Variants in VCL observed in about 807,000 individuals in gnomAD.
The protein encoded by VCL is vinculin, also known as epididymis luminal protein 114.
VCL carries 47 observed loss-of-function variants against 125.7 expected under a neutral mutation model. That is an observed-to-expected ratio of 0.37 (90% CI 0.30 to 0.48). VCL has a LOEUF of 0.48. VCL is among the 20% of genes least tolerant of loss of function. The pLI is 0.99. For missense variants in VCL, 1,069 were observed against 1,455.5 expected, an observed-to-expected ratio of 0.73 and a Z score of 4.32; for synonymous variants, 458 against 514.6, an observed-to-expected ratio of 0.89 and a Z score of 1.49.
At chr10:74,019,685 A>C (rs1261427727) in intron 1 of VCL, among the ~76,000 whole-genome samples, 5 of 152,190 alleles carry the variant, frequency 3.3e-5, no homozygotes, top group African/African-American at 1.2e-4. Flanking sequence ...TAAATTCTAG[A>C]GATAGACTCA....
intron 1 of VCL, among the ~76,000 whole-genome samples, chr10:74,018,177 G>GAGATATATATAT (rs113828874): frequency 1.2e-4 from 10 of 81,880 alleles, no homozygotes; most frequent in African/African-American, 4.4e-4. Flanking sequence ...ATATATATAG[G>GAGATATATATAT]ATATATATAT....
intron 14 of VCL, among the ~76,000 whole-genome samples, chr10:74,102,626 G>C (rs1023926176): frequency 6.6e-6 from 1 of 152,192 alleles, no homozygotes; most frequent in African/African-American, 2.4e-5. Flanking sequence ...TGCCTGTGTG[G>C]CGTGTTAATA....
At chr10:74,078,757 AT>A (rs1564525221) in intron 6 of VCL, among the ~76,000 whole-genome samples, 1 of 152,162 alleles carries the variant, frequency 6.6e-6, no homozygotes, top group Non-Finnish European at 1.5e-5. Flanking sequence ...TCTTGTTTAA[AT>A]GTAGTTTGTA....
At chr10:73,999,535 T>C (rs1840185927) in intron 1 of VCL, among the ~76,000 whole-genome samples, 1 of 152,086 alleles carries the variant, frequency 6.6e-6, no homozygotes, top group African/African-American at 2.4e-5. Context: ...TTCATACTGC[T>C]CCCCCACTGA....
Position 74,023,732 on chromosome 10 carries a change from G to A in VCL, c.169-19351G>A, listed in dbSNP as rs141120818. Among the ~76,000 whole-genome samples the A allele has an allele frequency of 6.6e-5, 10 of 152,290 alleles. No individual in the cohort carries two copies. In the East Asian group the frequency reaches 1.9e-3, roughly 29 times the overall value. On this transcript the variant is annotated intron_variant, in intron 1 of 21. Coordinates refer to ENST00000211998, the MANE Select transcript of VCL (RefSeq NM_014000.3). ...ACATTTCTATAAAAGTCTTTTTCTT[G>A]TTTTAGACCAAAGGCTGTGTCTAAT... is the stretch of plus-strand genomic sequence containing the variant.
At position 74,118,381 on chromosome 10, in the gene VCL, C is replaced by A. The variant is rs757322860; in HGVS notation, c.*212C>A. On this transcript the variant is annotated 3_prime_UTR_variant, in exon 22 of 22. Coordinates refer to ENST00000211998, the MANE Select transcript of VCL (RefSeq NM_014000.3). Reference sequence around the variant, plus strand: ...TGTGTTTCTGTATAAAGCCTGTATTCTCAAACACAGTTACACTTGTGCACC... The same window carrying A: ...TGTGTTTCTGTATAAAGCCTGTATTATCAAACACAGTTACACTTGTGCACC... The A allele has an allele frequency of 1.5e-4, 97 of 643,022 alleles. No homozygotes were observed. Among genetic ancestry groups the A allele is most frequent in the Non-Finnish European group, 2.3e-4 (86 of 370,138 alleles). 39.8% of individuals were successfully genotyped at this position (643,022 alleles called of 1,614,324 possible). A position where few individuals can be genotyped will look rare whatever the true frequency, so the allele number is the denominator to read the frequency against.
chr10:74,082,496 A>C lies in VCL; in HGVS notation c.826A>C (p.Lys276Gln). The change falls in exon 7 of 22, where the codon AAA becomes CAA. Residue 276 changes from lysine to glutamine, a missense_variant. Around this residue, in one of 6 missense-constraint regions of VCL, gnomAD observed 760 missense variants for 928.9 expected, o/e 0.82. Transcript: ENST00000211998. ...GAGAGCATTGGCCTCCATAGACTCC[A>C]AACTGAACCAGGCCAAAGGTTGGCT... ...MKRALASIDS[K>Q]LNQAKGWLRD... 1 of 1,614,182 alleles carries C rather than the reference A, an allele frequency of 6.2e-7. No homozygotes were observed. The highest frequency in any genetic ancestry group is 8.5e-7 in the Non-Finnish European group (1 of 1,180,028).
At chr10:74,074,719 C>T (rs776554075) in intron 5 of VCL, 24 bp from the exon 6 acceptor site, 1 of 1,610,234 alleles carries the variant, frequency 6.2e-7, no homozygotes. Context: ...TCCAAGCTTA[C>T]TTTCTGATCT....
At chr10:74,111,840 C>T in intron 18 of VCL, 69 bp from the exon 19 acceptor site, 1 of 1,587,242 alleles carries the variant, frequency 6.3e-7, no homozygotes, top group Non-Finnish European at 8.6e-7. Context: ...AGCTGAAGCC[C>T]AGTTTCCCAA....
intron 2 of VCL, among the ~76,000 whole-genome samples, chr10:74,046,419 A>G (rs551579332): frequency 2.0e-5 from 3 of 152,166 alleles, no homozygotes; most frequent in Non-Finnish European, 4.4e-5. Context: ...CAATTTTTAA[A>G]TCATTTGTAG....
At chr10:74,019,340 A>G (rs1219540374) in intron 1 of VCL, among the ~76,000 whole-genome samples, 1 of 152,110 alleles carries the variant, frequency 6.6e-6, no homozygotes, top group East Asian at 1.9e-4. Flanking sequence ...ACACCTATCA[A>G]CTCATCATCT....
intron 1 of VCL, among the ~76,000 whole-genome samples, chr10:74,013,155 T>G (rs559184979): frequency 1.3e-5 from 2 of 152,304 alleles, no homozygotes; most frequent in South Asian, 4.1e-4. Context: ...GGCCATTTTC[T>G]GCTGCGATCA....
intron 10 of VCL, 117 bp downstream of exon 10, chr10:74,090,315 T>C (rs189260903): frequency 8.4e-4 from 941 of 1,116,432 alleles, no homozygotes; most frequent in Middle Eastern, 3.4e-3. Context: ...TTCCCCTAGG[T>C]TAAATGCACT....
intron 16 of VCL, 81 bp from the exon 17 acceptor site, chr10:74,107,149 T>C (rs186414554): frequency 6.2e-7 from 1 of 1,610,744 alleles, no homozygotes; most frequent in East Asian, 2.2e-5. Context: ...CTTTTGTTCA[T>C]GGAACCAGTT....
intron 2 of VCL, among the ~76,000 whole-genome samples, chr10:74,045,841 G>A (rs906364830): frequency 2.6e-5 from 4 of 152,012 alleles, no homozygotes; most frequent in Non-Finnish European, 4.4e-5. Flanking sequence ...TTTAAGTGAT[G>A]AGTTACATGG....
At chr10:74,060,101 A>T (rs568356665) in intron 2 of VCL, among the ~76,000 whole-genome samples, 1 of 152,228 alleles carries the variant, frequency 6.6e-6, no homozygotes, top group East Asian at 1.9e-4. Flanking sequence ...GTTCAAGACC[A>T]GTGTGGGCAA....
intron 1 of VCL, among the ~76,000 whole-genome samples, chr10:74,010,922 C>T (rs1840421188): frequency 6.6e-6 from 1 of 151,874 alleles, no homozygotes; most frequent in Non-Finnish European, 1.5e-5. Flanking sequence ...GTAAGCCCAG[C>T]ACTCTGGGGT....
intron 1 of VCL, among the ~76,000 whole-genome samples, chr10:74,014,481 C>T (rs931512201): frequency 2.2e-4 from 34 of 151,646 alleles, no homozygotes; most frequent in African/African-American, 7.8e-4. Flanking sequence ...GCAGTCCACC[C>T]GCCTCAGCCT....
At chr10:74,008,096 G>A (rs762809820) in intron 1 of VCL, among the ~76,000 whole-genome samples, 2 of 152,206 alleles carry the variant, frequency 1.3e-5, no homozygotes, top group East Asian at 1.9e-4. Flanking sequence ...GAGCCACCGC[G>A]CCCGGCCTAA....
Sources: allele counts gnomAD v4.1 joint callset (sites outside exome capture counted in the v4.1 genomes callset), GRCh38; gene constraint gnomAD v4.1.1; regional missense constraint gnomAD v4.1.1; transcripts MANE v1.5; gene names NCBI Gene and HGNC (gene_info 2026-07-23, HGNC 2026-07-21).